The following MAN2A1 variants were observed in gnomAD, a reference collection of about 807,000 sequenced individuals.
MAN2A1 encodes the protein alpha-mannosidase 2.
Under a neutral mutation model 142.6 loss-of-function variants are expected in MAN2A1, and 76 were observed. The observed-to-expected ratio is 0.53, with a 90% CI of 0.44 to 0.65. The LOEUF (loss-of-function observed/expected upper bound fraction) is 0.65. MAN2A1 is among the 30% of genes least tolerant of loss of function. MAN2A1 has a pLI of 0.00. For missense variants in MAN2A1, 1,311 were observed against 1,365.1 expected, an observed-to-expected ratio of 0.96 and a Z score of 0.62; for synonymous variants, 559 against 473.2, an observed-to-expected ratio of 1.18 and a Z score of -2.35.
rs768314072 is a variant in MAN2A1, at chr5:109,784,895, A to T, written c.1729A>T (p.Lys577Ter). The change falls in exon 10 of 22, where the codon AAA becomes TAA. Residue 577 changes from lysine to a stop codon, truncating the protein, a stop_gained. Transcript: ENST00000261483. LOFTEE classifies it high-confidence loss of function. ...QHHDAITGTA[K>*]DWVVVDYGTR... is the part of the protein sequence containing the mutation. ...TCATGATGCTATCACAGGAACTGCA[A>T]AAGACTGGGTGGTTGTGGATTATGG... 1 of 1,605,428 alleles carries T rather than the reference A, an allele frequency of 6.2e-7. No homozygotes were observed. The highest frequency in any genetic ancestry group is 8.5e-7 in the Non-Finnish European group (1 of 1,177,452).
intron 3 of MAN2A1, among the ~76,000 whole-genome samples, chr5:109,721,898 G>A (rs1356750901): frequency 6.6e-6 from 1 of 152,154 alleles, no homozygotes; most frequent in Non-Finnish European, 1.5e-5. Flanking sequence ...ATTATGTTCT[G>A]TGCACTATTC....
chr5:109,691,093 C>T (rs750048395), intron 1 of MAN2A1, among the ~76,000 whole-genome samples: 1 of 152,076 alleles, frequency 6.6e-6, no homozygotes, highest in Non-Finnish European at 1.5e-5. Context: ...ATGTGAATCT[C>T]TAGGTTGATT....
chr5:109,805,975 A>T (rs554117017), intron 12 of MAN2A1, among the ~76,000 whole-genome samples: 1 of 152,274 alleles, frequency 6.6e-6, no homozygotes, highest in South Asian at 2.1e-4. Context: ...TAGTGAAACA[A>T]CCGCTTGTGT....
chr5:109,706,981 C>G (rs1470270765), intron 1 of MAN2A1, among the ~76,000 whole-genome samples: 1 of 152,170 alleles, frequency 6.6e-6, no homozygotes, highest in Non-Finnish European at 1.5e-5. Context: ...TTTTTCCAAA[C>G]TTCCTTCACT....
At chr5:109,693,864 G>C (rs546275738) in intron 1 of MAN2A1, among the ~76,000 whole-genome samples, 23 of 152,158 alleles carry the variant, frequency 1.5e-4, no homozygotes, top group African/African-American at 5.5e-4. Context: ...ATAAATCTCA[G>C]CTAAGAAAAT....
Position 109,855,156 on chromosome 5 carries a change from C to T in MAN2A1, c.2993C>T (p.Ser998Leu), listed in dbSNP as rs772603547. ...SAVNTEEEKKSVSYPSLLSHI... is the reference protein window; with the variant it reads ...SAVNTEEEKKLVSYPSLLSHI... The stretch of plus-strand genomic sequence containing the variant: ...TCTTGATAGGAAGAAGAAAAGAAGT[C>T]GGTCAGTTATCCTTCTCTCCTTAGC... The change falls in exon 20 of 22, where the codon TCG becomes TTG. Residue 998 changes from serine (S) to leucine (L), a missense_variant. By Grantham distance (145) the Ser-to-Leu change is moderately radical. This residue lies in a region of MAN2A1 where 890 missense variants were observed against 920.5 expected (regional missense o/e 0.97). Transcript: ENST00000261483. 2.6e-6 allele frequency: 4 copies of T among 1,543,106 alleles called. No individual in the cohort carries two copies. The highest frequency in any genetic ancestry group is 2.6e-5 in the South Asian group (2 of 76,378).
chr5:109,765,470 T>C (rs1445657622), intron 5 of MAN2A1, among the ~76,000 whole-genome samples: 1 of 152,188 alleles, frequency 6.6e-6, no homozygotes, highest in Non-Finnish European at 1.5e-5. Context: ...AGGCATGTGA[T>C]GTCTCTGTCC....
intron 12 of MAN2A1, among the ~76,000 whole-genome samples, chr5:109,804,768 C>G (rs550632289): frequency 6.6e-6 from 1 of 152,242 alleles, no homozygotes; most frequent in East Asian, 1.9e-4. Flanking sequence ...CACCTGGAAA[C>G]CTCACACAGG....
chr5:109,703,072 A>G (rs997610647), intron 1 of MAN2A1, among the ~76,000 whole-genome samples: 2 of 152,236 alleles, frequency 1.3e-5, no homozygotes, highest in East Asian at 1.9e-4. Flanking sequence ...TTGATTATCT[A>G]CTTAATACAA....
At chr5:109,752,800 C>G (rs556383170) in intron 4 of MAN2A1, among the ~76,000 whole-genome samples, 6 of 152,266 alleles carry the variant, frequency 3.9e-5, no homozygotes, top group African/African-American at 1.2e-4. Flanking sequence ...CCTTTAAGTA[C>G]AGATAAGAAT....
chr5:109,777,539 C>G (rs1753328592), intron 8 of MAN2A1, among the ~76,000 whole-genome samples: 1 of 151,890 alleles, frequency 6.6e-6, no homozygotes, highest in African/African-American at 2.4e-5. Context: ...CTCATGCTGT[C>G]TTTTGATGAA....
intron 15 of MAN2A1, among the ~76,000 whole-genome samples, chr5:109,822,319 G>T (rs749374435): frequency 1.3e-5 from 2 of 151,824 alleles, no homozygotes; most frequent in Non-Finnish European, 2.9e-5. Flanking sequence ...TATTTTGATT[G>T]ACTGTATTTA....
intron 8 of MAN2A1, among the ~76,000 whole-genome samples, chr5:109,779,769 A>C (rs890412403): frequency 6.6e-6 from 1 of 152,206 alleles, no homozygotes. Context: ...AAATTGAGGC[A>C]CAAATAGATT....
intron 1 of MAN2A1, among the ~76,000 whole-genome samples, chr5:109,709,752 C>G (rs1274931950): frequency 6.6e-6 from 1 of 152,150 alleles, no homozygotes; most frequent in African/African-American, 2.4e-5. Context: ...AATCAAATAT[C>G]ATGACCTCCT....
rs184892097 is a variant in MAN2A1, at chr5:109,700,982, A to G, written c.135+10430A>G. Among the ~76,000 whole-genome samples, 834 of 152,370 alleles carry G rather than the reference A, an allele frequency of 5.5e-3. 7 individuals carry two copies. The highest frequency in any genetic ancestry group is 8.8e-3 in the Non-Finnish European group (600 of 68,032). Reference sequence around the variant, plus strand: ...AAACTATTAGAGCCAGTTAAGTGCTATTATTCATTAGAAGTTAAAGAGGTT... The same window carrying G: ...AAACTATTAGAGCCAGTTAAGTGCTGTTATTCATTAGAAGTTAAAGAGGTT... On this transcript the variant is annotated intron_variant, in intron 1 of 21. Transcript: ENST00000261483.
At chr5:109,740,474 A>G (rs1752236069) in intron 4 of MAN2A1, among the ~76,000 whole-genome samples, 5 of 152,130 alleles carry the variant, frequency 3.3e-5, no homozygotes. Flanking sequence ...GCCACCTCAG[A>G]AGGAAACTGG....
chr5:109,760,072 T>A (rs1561497472), intron 5 of MAN2A1, among the ~76,000 whole-genome samples: 1 of 152,218 alleles, frequency 6.6e-6, no homozygotes, highest in East Asian at 1.9e-4. Flanking sequence ...CATGCCATAG[T>A]GGTTTGCTGC....
intron 16 of MAN2A1, among the ~76,000 whole-genome samples, chr5:109,829,729 A>G (rs1191225140): frequency 6.6e-6 from 1 of 152,192 alleles, no homozygotes; most frequent in East Asian, 1.9e-4. Flanking sequence ...GCTGATCTGG[A>G]CGCAATGGTT....
intron 4 of MAN2A1, among the ~76,000 whole-genome samples, chr5:109,745,773 A>G (rs1182929447): frequency 6.6e-6 from 1 of 152,086 alleles, no homozygotes; most frequent in Non-Finnish European, 1.5e-5. Flanking sequence ...GCAGGCCACC[A>G]TGCCTAGCCA....
Sources: allele counts gnomAD v4.1 joint callset (sites outside exome capture counted in the v4.1 genomes callset), GRCh38; gene constraint gnomAD v4.1.1; regional missense constraint gnomAD v4.1.1; transcripts MANE v1.5; gene names NCBI Gene and HGNC (gene_info 2026-07-23, HGNC 2026-07-21).